Variants in BICRAL observed in about 807,000 individuals in gnomAD.
BICRAL encodes BRD4-interacting chromatin-remodeling complex-associated protein-like.
Under a neutral mutation model 91.8 loss-of-function variants are expected in BICRAL, and 8 were observed. That is an observed-to-expected ratio of 0.09 (90% confidence interval 0.05 to 0.16). The LOEUF is 0.16. BICRAL is among the 10% of genes least tolerant of loss of function. The pLI is 1.00. For synonymous variants in BICRAL, 445 were observed against 491.1 expected, an observed-to-expected ratio of 0.91 and a Z score of 1.24; for missense variants, 1,038 against 1,310.9, an observed-to-expected ratio of 0.79 and a Z score of 3.21.
At chr6:42,859,250 G>A (rs62416290) in intron 10 of BICRAL, among the ~76,000 whole-genome samples, 1,888 of 151,978 alleles carry the variant, frequency 0.012, 17 homozygotes, top group Non-Finnish European at 0.02. Flanking sequence ...AATTAGCAAG[G>A]GCATGGTGGT....
chr6:42,855,824 A>AG (rs755664597), intron 8 of BICRAL, 32 bp from the exon 9 acceptor site: 1 of 1,564,272 alleles, frequency 6.4e-7, no homozygotes, highest in Non-Finnish European at 8.8e-7. Flanking sequence ...TTTCTATAAA[A>AG]GGGAATAATA....
chr6:42,822,143 C>T (rs1764153903), intron 3 of BICRAL, 80 bp downstream of exon 3: 1 of 766,352 alleles, frequency 1.3e-6, no homozygotes, highest in African/African-American at 1.7e-5. Context: ...TAGCATATAA[C>T]ACCTGATAGG....
chr6:42,831,959 G>A (rs373567646), intron 6 of BICRAL, among the ~76,000 whole-genome samples: 4 of 151,550 alleles, frequency 2.6e-5, no homozygotes, highest in African/African-American at 7.3e-5. Context: ...GGCTGGTCTC[G>A]AACTCCTGGG....
intron 6 of BICRAL, among the ~76,000 whole-genome samples, chr6:42,845,025 A>C (rs1300162614): frequency 6.6e-6 from 1 of 151,824 alleles, no homozygotes; most frequent in African/African-American, 2.4e-5. Flanking sequence ...AGGGAAAAAA[A>C]GGATTACTGG....
At chr6:42,776,546 C>T (rs1421009374) in intron 1 of BICRAL, among the ~76,000 whole-genome samples, 2 of 151,432 alleles carry the variant, frequency 1.3e-5, no homozygotes, top group South Asian at 4.2e-4. Flanking sequence ...TGGGATCTGA[C>T]CATGTTGCCC....
chr6:42,865,462 C>T lies in BICRAL; in HGVS notation c.*16C>T, dbSNP rs1765685666. ...AGAGTGTTAATAGCAGCAGTCCTCC[C>T]CCTACCCCGCCCCGAGACCCCACCC... On this transcript the variant is annotated 3_prime_UTR_variant, in exon 13 of 13. Coordinates refer to ENST00000314073, the MANE Select transcript of BICRAL (RefSeq NM_001393499.1). 2 of 1,522,880 alleles carry T rather than the reference C, an allele frequency of 1.3e-6. No individual in the cohort carries two copies. Among genetic ancestry groups the T allele is most frequent in the East Asian group, 2.3e-5 (1 of 44,226 alleles). The allele number at this position is 1,522,880 out of a possible 1,614,324, so 94.3% of individuals were successfully genotyped here.
In BICRAL at chr6:42,862,606, G is replaced by A; in HGVS notation, c.2446G>A (p.Asp816Asn). ...CCGAGACAAGCGTTTGGCACTTGTA[G>A]ACCCTGGTAAGAAACATCGCAGTGA... is the stretch of plus-strand genomic sequence containing the variant. The part of the protein sequence containing the change: ...LSRDKRLALV[D>N]PEGFQADFCC... Residue 816 changes from aspartate (D) to asparagine (N), a missense_variant, in exon 12 of 13, where the codon GAC (aspartate) becomes AAC (asparagine). Transcript: ENST00000314073. 2 of 1,585,354 alleles carry A rather than the reference G, an allele frequency of 1.3e-6. No homozygotes were observed. The highest frequency in any genetic ancestry group is 1.7e-6 in the Non-Finnish European group (2 of 1,154,054).
intron 1 of BICRAL, among the ~76,000 whole-genome samples, chr6:42,807,747 A>G (rs1763748109): frequency 6.6e-6 from 1 of 150,518 alleles, no homozygotes; most frequent in Admixed American, 6.6e-5. Context: ...CGGAGGTTGC[A>G]GTGAGCCGAG....
At chr6:42,765,412 G>A (rs774202575) in intron 1 of BICRAL, among the ~76,000 whole-genome samples, 15 of 152,218 alleles carry the variant, frequency 9.9e-5, no homozygotes, top group South Asian at 2.1e-4. Context: ...TTGCTGAGGC[G>A]CAAATTCAAG....
At chr6:42,850,033 T>C (rs1358094449) in intron 6 of BICRAL, among the ~76,000 whole-genome samples, 1 of 150,446 alleles carries the variant, frequency 6.6e-6, no homozygotes, top group African/African-American at 2.5e-5. Context: ...TGAGACCCTG[T>C]CTCAATAAAT....
At chr6:42,794,789 A>C (rs1383044966) in intron 1 of BICRAL, among the ~76,000 whole-genome samples, 1 of 133,728 alleles carries the variant, frequency 7.5e-6, no homozygotes, top group Non-Finnish European at 1.7e-5. Context: ...TCTCTACTAA[A>C]AATACAAAAA....
intron 6 of BICRAL, among the ~76,000 whole-genome samples, 199 bp downstream of exon 6, chr6:42,830,371 G>T (rs913767997): frequency 6.6e-6 from 1 of 152,086 alleles, no homozygotes; most frequent in Non-Finnish European, 1.5e-5. Context: ...TTCGAGGCCA[G>T]CCTGGGCAAC....
chr6:42,850,667 C>G (rs1455700844), intron 6 of BICRAL, among the ~76,000 whole-genome samples: 1 of 151,772 alleles, frequency 6.6e-6, no homozygotes, highest in Non-Finnish European at 1.5e-5. Flanking sequence ...GGGCGGATAA[C>G]AAGGTCAGGA....
At chr6:42,858,459 T>A (rs1476218010) in intron 10 of BICRAL, among the ~76,000 whole-genome samples, 1 of 141,890 alleles carries the variant, frequency 7.0e-6, no homozygotes, top group Non-Finnish European at 1.5e-5. Flanking sequence ...GAGGTTGCAG[T>A]GAGCGGACAT....
At chr6:42,855,531 G>A (rs770402541) in intron 8 of BICRAL, among the ~76,000 whole-genome samples, 64 of 151,180 alleles carry the variant, frequency 4.2e-4, no homozygotes, top group Admixed American at 1.6e-3. Context: ...GACAGAGCAC[G>A]ACCCTGTCAA....
chr6:42,821,190 T>C (rs1239535671), intron 2 of BICRAL: 1 of 152,284 alleles, frequency 6.6e-6, no homozygotes, highest in East Asian at 1.9e-4. Context: ...TGTGAAGCTG[T>C]GTGCCAGGTG....
chr6:42,856,883 C>T (rs774781741), intron 9 of BICRAL, among the ~76,000 whole-genome samples: 9 of 152,110 alleles, frequency 5.9e-5, no homozygotes, highest in Admixed American at 2.6e-4. Flanking sequence ...TGGTGGGAAC[C>T]TGTGCTTTTG....
chr6:42,794,614 T>G (rs1465946729), intron 1 of BICRAL, among the ~76,000 whole-genome samples: 1 of 152,014 alleles, frequency 6.6e-6, no homozygotes, highest in Non-Finnish European at 1.5e-5. Flanking sequence ...TTCATTTGAA[T>G]TGTCAAGTTT....
At chr6:42,839,280 ATTG>A (rs1270711410) in intron 6 of BICRAL, among the ~76,000 whole-genome samples, 8 of 151,762 alleles carry the variant, frequency 5.3e-5, no homozygotes, top group Non-Finnish European at 1.0e-4. Flanking sequence ...AGGGATCATT[ATTG>A]TTGTTGTTAG....
Sources: gnomAD v4.1 joint callset for allele counts (sites outside exome capture counted in the v4.1 genomes callset) on GRCh38, gnomAD v4.1.1 for gene constraint, MANE v1.5 for transcripts, NCBI Gene and HGNC (gene_info 2026-07-23, HGNC 2026-07-21) for gene names.